Variants in PKP4 observed in about 807,000 individuals in gnomAD.
The protein encoded by PKP4 is plakophilin 4.
A neutral mutation model predicts 145.1 loss-of-function variants in PKP4; 90 were observed. The ratio of observed to expected loss-of-function variants is 0.62; its 90% confidence interval spans 0.52 to 0.74. PKP4 has a LOEUF of 0.74. Ranked by LOEUF, PKP4 falls within the 30% of genes least tolerant of loss-of-function variation. PKP4 has a pLI of 0.00. For missense variants in PKP4, 1,340 were observed against 1,482.7 expected (o/e 0.90, Z 1.58); for synonymous variants, 563 against 577.2 (o/e 0.98, Z 0.35).
intron 12 of PKP4, chr2:158,660,763 A>G (rs1352349940): frequency 6.6e-6 from 1 of 152,232 alleles, no homozygotes; most frequent in African/African-American, 2.4e-5. Context: ...TGAAATGTTT[A>G]TAATACAAGA....
intron 4 of PKP4, among the ~76,000 whole-genome samples, chr2:158,606,716 A>T (rs2050688289): frequency 2.0e-5 from 3 of 152,186 alleles, no homozygotes; most frequent in Admixed American, 1.3e-4. Context: ...TTTTCATGTA[A>T]TATAAAATTC....
intron 4 of PKP4, among the ~76,000 whole-genome samples, chr2:158,618,416 C>G (rs1574810720): frequency 6.6e-6 from 1 of 152,154 alleles, no homozygotes; most frequent in Admixed American, 6.5e-5. Flanking sequence ...TTTCTAGATT[C>G]TGTTTTCTAG....
chr2:158,557,274 C>T (rs955898614), intron 2 of PKP4, among the ~76,000 whole-genome samples: 1 of 151,028 alleles, frequency 6.6e-6, no homozygotes, highest in Non-Finnish European at 1.5e-5. Flanking sequence ...ATACTATTAT[C>T]ATGATACCTT....
chr2:158,624,765 G>A (rs1259705965), intron 6 of PKP4, 113 bp from the exon 7 acceptor site: 3 of 725,038 alleles, frequency 4.1e-6, no homozygotes, highest in Non-Finnish European at 6.5e-6. Context: ...AATCTTAGAT[G>A]CCTAAAATAG....
intron 1 of PKP4, among the ~76,000 whole-genome samples, chr2:158,475,330 C>T (rs1443920847): frequency 6.6e-6 from 1 of 152,094 alleles, no homozygotes; most frequent in African/African-American, 2.4e-5. Flanking sequence ...AGTCATGAAA[C>T]TGATTCATTC....
intron 8 of PKP4, among the ~76,000 whole-genome samples, chr2:158,633,839 T>C (rs1487550258): frequency 1.3e-5 from 2 of 152,238 alleles, no homozygotes; most frequent in East Asian, 1.9e-4. Flanking sequence ...TAAGCAGATT[T>C]GTAGTTTCAC....
At chr2:158,589,607 C>G (rs2049084085) in intron 3 of PKP4, among the ~76,000 whole-genome samples, 1 of 152,158 alleles carries the variant, frequency 6.6e-6, no homozygotes, top group Admixed American at 6.5e-5. Context: ...AATGTTAATT[C>G]AACAACTCTA....
intron 2 of PKP4, among the ~76,000 whole-genome samples, chr2:158,560,662 T>C (rs1039057847): frequency 6.6e-6 from 1 of 152,112 alleles, no homozygotes; most frequent in African/African-American, 2.4e-5. Flanking sequence ...GGAAAGAACG[T>C]GGTATATTAA....
chr2:158,522,004 T>G (rs568253229), intron 1 of PKP4, among the ~76,000 whole-genome samples: 62 of 152,330 alleles, frequency 4.1e-4, no homozygotes, highest in Non-Finnish European at 7.5e-4. Flanking sequence ...TTTTGTCATA[T>G]CAGTTTTGAA....
At chr2:158,509,650 T>C (rs2041316952) in intron 1 of PKP4, among the ~76,000 whole-genome samples, 1 of 152,160 alleles carries the variant, frequency 6.6e-6, no homozygotes, top group Non-Finnish European at 1.5e-5. Context: ...GGTGATGATA[T>C]AGAAATACTA....
intron 1 of PKP4, among the ~76,000 whole-genome samples, chr2:158,474,104 A>T (rs1411586313): frequency 6.6e-6 from 1 of 152,108 alleles, no homozygotes; most frequent in East Asian, 1.9e-4. Flanking sequence ...CAATTGTTTT[A>T]CTTCTTTCAT....
At chr2:158,606,167 C>T (rs1214468669) in intron 4 of PKP4, among the ~76,000 whole-genome samples, 2 of 151,964 alleles carry the variant, frequency 1.3e-5, no homozygotes, top group South Asian at 2.1e-4. Context: ...GTGTTTAACC[C>T]GTTAAGCAAC....
chr2:158,559,369 T>G (rs542022416), intron 2 of PKP4, among the ~76,000 whole-genome samples: 10 of 152,076 alleles, frequency 6.6e-5, no homozygotes, highest in Middle Eastern at 3.4e-3. Context: ...GGACCCAGTC[T>G]TCTAACCCTG....
At chr2:158,560,975 A>G (rs549379539) in intron 2 of PKP4, among the ~76,000 whole-genome samples, 26 of 152,370 alleles carry the variant, frequency 1.7e-4, no homozygotes, top group African/African-American at 5.8e-4. Flanking sequence ...TTGTTAAACT[A>G]CAGGACAGGT....
At chr2:158,547,017 C>A (rs2045118661) in intron 2 of PKP4, among the ~76,000 whole-genome samples, 1 of 152,162 alleles carries the variant, frequency 6.6e-6, no homozygotes, top group Non-Finnish European at 1.5e-5. Flanking sequence ...AGTCTACCAC[C>A]TATTTTTGTA....
Position 158,620,984 on chromosome 2 carries a change from T to A in PKP4, c.281-6T>A. 1 of 1,613,112 alleles carries A rather than the reference T, an allele frequency of 6.2e-7. No individual in the cohort carries two copies. The highest frequency in any genetic ancestry group is 1.1e-5 in the South Asian group (1 of 90,782). ...TATTTAGCTGATTAAACTTTTCTTG[T>A]TACAGACGTGCCAAATACTGGTGTA... is the stretch of plus-strand genomic sequence containing the variant. On this transcript the variant is annotated splice_region_variant and splice_polypyrimidine_tract_variant and intron_variant, in intron 4 of 21. Coordinates refer to ENST00000389759, the MANE Select transcript of PKP4 (RefSeq NM_003628.6).
At chr2:158,497,936 G>A (rs1036903051) in intron 1 of PKP4, among the ~76,000 whole-genome samples, 1 of 152,186 alleles carries the variant, frequency 6.6e-6, no homozygotes, top group African/African-American at 2.4e-5. Flanking sequence ...CAGAAGTGTA[G>A]GGTGGGACAC....
intron 12 of PKP4, chr2:158,659,498 A>G (rs953454270): frequency 5.3e-5 from 8 of 152,320 alleles, no homozygotes; most frequent in African/African-American, 1.9e-4. Context: ...ACCACATTCT[A>G]CCAGGAAGAC....
chr2:158,466,662 A>G (rs1257661317), intron 1 of PKP4, among the ~76,000 whole-genome samples: 2 of 152,158 alleles, frequency 1.3e-5, no homozygotes, highest in Non-Finnish European at 2.9e-5. Context: ...CAGAGATTGC[A>G]CCACTGCACT....
Sources: allele counts gnomAD v4.1 joint callset (sites outside exome capture counted in the v4.1 genomes callset), GRCh38; gene constraint gnomAD v4.1.1; transcripts MANE v1.5; gene names NCBI Gene and HGNC (gene_info 2026-07-23, HGNC 2026-07-21).